CCDC148: variants seen among roughly 807,000 people sequenced by gnomAD.
CCDC148 encodes the protein coiled-coil domain-containing protein 148.
Under a neutral mutation model 85.7 loss-of-function variants are expected in CCDC148, and 89 were observed. That is an observed-to-expected ratio of 1.04 (90% CI 0.87 to 1.24). The LOEUF (loss-of-function observed/expected upper bound fraction) is 1.24, where lower values mean the gene tolerates loss of function less well. CCDC148 is among the 50% of genes most tolerant of loss of function. The pLI, the probability that CCDC148 is intolerant of heterozygous loss-of-function variation, is 0.00. For synonymous variants in CCDC148, 230 were observed against 213.9 expected, an observed-to-expected ratio of 1.08 and a Z score of -0.66; for missense variants, 692 against 671.7, an observed-to-expected ratio of 1.03 and a Z score of -0.33.
intron 1 of CCDC148, among the ~76,000 whole-genome samples, chr2:158,451,570 C>T (rs112735598): frequency 0.01 from 1,523 of 152,014 alleles, 18 homozygotes; most frequent in Middle Eastern, 0.075. Context: ...ACCAATGATG[C>T]GGCAAAATGA....
chr2:158,182,014 A>G (rs1684927834), intron 11 of CCDC148, among the ~76,000 whole-genome samples: 1 of 151,924 alleles, frequency 6.6e-6, no homozygotes, highest in African/African-American at 2.4e-5. Context: ...AATCAACAGA[A>G]AGTTTTCATT....
rs1033524944 is a variant in CCDC148, at chr2:158,436,636, C to T, written c.25+19779G>A. On this transcript the variant is annotated intron_variant, in intron 1 of 13. Coordinates refer to ENST00000283233, the MANE Select transcript of CCDC148 (RefSeq NM_138803.4). ...AGAAATAACCAGGATCAGAGCAGAA[C>T]GGAAGGAGATAGAGACATGAAAAAT... Among the ~76,000 whole-genome samples, 11 of 151,056 alleles carry T rather than the reference C, an allele frequency of 7.3e-5. No homozygotes were observed. The East Asian group carries it at 7.9e-4, about 11-fold the overall frequency.
In CCDC148 at chr2:158,310,565, C is replaced by T. The variant is rs1297094949; in HGVS notation, c.904-926G>A. Among the ~76,000 whole-genome samples the T allele has an allele frequency of 2.6e-5, 4 of 151,572 alleles. 1 individual carries two copies. The highest frequency in any genetic ancestry group is 4.9e-5 in the African/African-American group (2 of 41,172). Reference sequence around the variant, plus strand: ...GTAGAGGCGCCCCCCACCTCCCAGACAGGGCGGCTGCCGGGCGGAGGGGCT... The same window carrying T: ...GTAGAGGCGCCCCCCACCTCCCAGATAGGGCGGCTGCCGGGCGGAGGGGCT... On this transcript the variant is annotated intron_variant, in intron 8 of 13. Transcript: ENST00000283233.
At chr2:158,312,665 A>T (rs1692091545) in intron 8 of CCDC148, among the ~76,000 whole-genome samples, 1 of 152,098 alleles carries the variant, frequency 6.6e-6, no homozygotes, top group Non-Finnish European at 1.5e-5. Context: ...AAAAATCTTC[A>T]AGTTATAAAT....
At chr2:158,208,859 T>C (rs116158704) in intron 11 of CCDC148, among the ~76,000 whole-genome samples, 1,541 of 152,220 alleles carry the variant, frequency 0.01, 30 homozygotes, top group African/African-American at 0.035. Flanking sequence ...GCTAAAACCT[T>C]AGTTAATGCA....
chr2:158,374,490 C>T (rs1048079532), intron 1 of CCDC148, among the ~76,000 whole-genome samples: 7 of 151,864 alleles, frequency 4.6e-5, no homozygotes, highest in Admixed American at 3.3e-4. Flanking sequence ...CATTAACAGA[C>T]TTCAAACAAT....
intron 9 of CCDC148, among the ~76,000 whole-genome samples, chr2:158,277,980 T>G (rs118191583): frequency 6.6e-6 from 1 of 152,178 alleles, no homozygotes; most frequent in Non-Finnish European, 1.5e-5. Context: ...CCAAGTCAAT[T>G]TGACTAGCAC....
chr2:158,340,404 A>G lies in CCDC148; in HGVS notation c.335-11T>C, dbSNP rs747187824. 1 of 1,611,754 alleles carries G rather than the reference A, an allele frequency of 6.2e-7. No individual in the cohort carries two copies. Among genetic ancestry groups the G allele is most frequent in the Non-Finnish European group, 8.5e-7 (1 of 1,178,794 alleles). ...CTGATAGCTCTTGCTCTATGGTGAA[A>G]CAAAATTGAATTAAAGGAACACATT... On this transcript the variant is annotated splice_polypyrimidine_tract_variant and intron_variant, in intron 4 of 13. Coordinates refer to ENST00000283233, the MANE Select transcript of CCDC148 (RefSeq NM_138803.4).
intron 1 of CCDC148, among the ~76,000 whole-genome samples, chr2:158,397,018 G>A (rs1261900396): frequency 1.3e-5 from 2 of 151,982 alleles, no homozygotes; most frequent in African/African-American, 4.8e-5. Context: ...TCTATCTGCT[G>A]CTGACCTTGA....
At chr2:158,271,436 C>T (rs1195320576) in intron 9 of CCDC148, among the ~76,000 whole-genome samples, 3 of 152,180 alleles carry the variant, frequency 2.0e-5, no homozygotes, top group Non-Finnish European at 2.9e-5. Flanking sequence ...TTTGTGCCGT[C>T]CTGCAGTATC....
At chr2:158,437,742 C>T (rs1246718229) in intron 1 of CCDC148, among the ~76,000 whole-genome samples, 1 of 152,090 alleles carries the variant, frequency 6.6e-6, no homozygotes, top group Non-Finnish European at 1.5e-5. Context: ...TCGTCTCAGC[C>T]CAAAATCTCC....
intron 7 of CCDC148, 142 bp downstream of exon 7, chr2:158,338,584 C>T (rs1480473398): frequency 1.7e-6 from 1 of 604,168 alleles, no homozygotes; most frequent in Non-Finnish European, 2.7e-6. Context: ...CCTCTCTATT[C>T]ATCAAATAGT....
chr2:158,209,824 A>G (rs939811098), intron 11 of CCDC148, among the ~76,000 whole-genome samples: 6 of 152,212 alleles, frequency 3.9e-5, no homozygotes, highest in African/African-American at 1.4e-4. Context: ...TACTAAATAC[A>G]GAAAGAAAAA....
chr2:158,181,125 C>A (rs1206307113), intron 11 of CCDC148, among the ~76,000 whole-genome samples: 1 of 152,118 alleles, frequency 6.6e-6, no homozygotes, highest in Non-Finnish European at 1.5e-5. Flanking sequence ...TGGGATTTGA[C>A]AATTACCATA....
chr2:158,220,775 G>A, intron 10 of CCDC148, 62 bp from the exon 11 acceptor site: 6 of 1,294,500 alleles, frequency 4.6e-6, no homozygotes, highest in Non-Finnish European at 6.4e-6. Flanking sequence ...TGAGGGAAAA[G>A]CCATAACCAT....
chr2:158,452,345 A>G (rs1178310396), intron 1 of CCDC148, among the ~76,000 whole-genome samples: 1 of 152,242 alleles, frequency 6.6e-6, no homozygotes, highest in East Asian at 1.9e-4. Context: ...TGTTATATGC[A>G]TAAGCGTCCT....
chr2:158,435,020 C>T (rs145301759), intron 1 of CCDC148, among the ~76,000 whole-genome samples: 11,369 of 152,166 alleles, frequency 0.075, 570 homozygotes, highest in Middle Eastern at 0.11. Context: ...CTGAAAGTGA[C>T]GGGGAGAATG....
At chr2:158,317,136 A>G (rs190349872) in intron 7 of CCDC148, among the ~76,000 whole-genome samples, 1 of 152,330 alleles carries the variant, frequency 6.6e-6, no homozygotes, top group Admixed American at 6.5e-5. Context: ...GAATTTGAAA[A>G]ATGACTCTAC....
At position 158,456,547 on chromosome 2, in the gene CCDC148, C is replaced by T; in HGVS notation, c.-108G>A. ...GGGTACATCTAAGGGCTCAGCTGTT[C>T]CTACCTTTGACGCCAGGGACAAACC... On this transcript the variant is annotated 5_prime_UTR_variant, in exon 1 of 14. Transcript: ENST00000283233. The T allele has an allele frequency of 5.0e-6, 7 of 1,398,688 alleles. No homozygotes were observed. The highest frequency in any genetic ancestry group is 6.8e-6 in the Non-Finnish European group (7 of 1,035,528). 86.6% of individuals were successfully genotyped at this position (1,398,688 alleles called of 1,614,324 possible).
Sources: gnomAD v4.1 joint callset for allele counts (sites outside exome capture counted in the v4.1 genomes callset) on GRCh38, gnomAD v4.1.1 for gene constraint, MANE v1.5 for transcripts, NCBI Gene and HGNC (gene_info 2026-07-23, HGNC 2026-07-21) for gene names.